Variants in VEGFB observed in about 807,000 individuals in gnomAD.
VEGFB encodes the protein vascular endothelial growth factor B.
In VEGFB, 24 loss-of-function variants were observed where a neutral mutation model predicts 22.5. The ratio of observed to expected loss-of-function variants is 1.07; its 90% CI spans 0.77 to 1.50. The LOEUF is 1.50. VEGFB is among the 40% of genes most tolerant of loss of function. The pLI, the probability that VEGFB is intolerant of heterozygous loss-of-function variation, is 0.00. For missense variants in VEGFB, 327 were observed against 287.8 expected, an observed-to-expected ratio of 1.14 and a Z score of -0.99; for synonymous variants, 141 against 117.4, an observed-to-expected ratio of 1.20 and a Z score of -1.30.
chr11:64,236,639 C>T (rs2030049477), intron 4 of VEGFB, among the ~76,000 whole-genome samples: 1 of 145,996 alleles, frequency 6.8e-6, no homozygotes, highest in African/African-American at 2.6e-5. Context: ...ATGGCATGAA[C>T]CTGGGAGGCG....
At chr11:64,236,974 T>G (rs1383541219) in intron 4 of VEGFB, among the ~76,000 whole-genome samples, 1 of 147,208 alleles carries the variant, frequency 6.8e-6, no homozygotes, top group African/African-American at 2.5e-5. Flanking sequence ...TCCCAGCTAC[T>G]TGGGAGGCTG....
Position 64,237,356 on chromosome 11 carries a change from C to G in VEGFB, c.411-64C>G, listed in dbSNP as rs543698105. On this transcript the variant is annotated intron_variant, in intron 5 of 6. Coordinates refer to ENST00000309422, the MANE Select transcript of VEGFB (RefSeq NM_003377.5). ...TGCTCCCCAAGCCTGTGTTCTCTGC[C>G]CCGACCCCAGCTCTAGGGAAGACTC... 7.6e-5 allele frequency: 116 copies of G among 1,531,676 alleles called. No individual in the cohort carries two copies. In the East Asian group the frequency reaches 1.6e-3, roughly 21 times the overall value. The allele number at this position is 1,531,676 out of a possible 1,614,324, so 94.9% of individuals were successfully genotyped here.
chr11:64,238,429 AGTGG>A lies in VEGFB; in HGVS notation c.*98_*101del, dbSNP rs1193666973. ...TGACTTGCCTCAGAGGCTATATCCC[AGTGG>A]GGGAACAAAGAGGAGCCTGGTAAAA... is the stretch of plus-strand genomic sequence containing the variant. On this transcript the variant is annotated 3_prime_UTR_variant, in exon 7 of 7. Coordinates refer to ENST00000309422, the MANE Select transcript of VEGFB (RefSeq NM_003377.5). 17 of 1,535,290 alleles carry A rather than the reference AGTGG, an allele frequency of 1.1e-5. No individual in the cohort carries two copies. In the African/African-American group the frequency reaches 2.3e-4, roughly 21 times the overall value.
At chr11:64,236,990 A>C (rs180769057) in intron 4 of VEGFB, 197 bp from the exon 5 acceptor site, 5 of 410,000 alleles carry the variant, frequency 1.2e-5, no homozygotes, top group Non-Finnish European at 1.8e-5. Context: ...GGCTGAGACA[A>C]GAGAATAGCT....
Position 64,238,673 on chromosome 11 carries a change from A to C in VEGFB, c.*340A>C, listed in dbSNP as rs766915081. ...TTCTAACCACTCTGTGCAAGTAAGC[A>C]TCTTACAACTGGCTCTTCCTCCCCT... On this transcript the variant is annotated 3_prime_UTR_variant, in exon 7 of 7. Transcript: ENST00000309422. 8.1e-6 allele frequency: 4 copies of C among 493,968 alleles called. No homozygotes were observed. Among genetic ancestry groups the C allele is most frequent in the Non-Finnish European group, 1.5e-5 (4 of 272,526 alleles). The allele number at this position is 493,968 out of a possible 1,614,324, so 30.6% of individuals were successfully genotyped here. A position where few individuals can be genotyped will look rare whatever the true frequency, so the allele number is the denominator to read the frequency against.
chr11:64,237,941 G>T (rs1225434355), intron 6 of VEGFB: 2 of 494,660 alleles, frequency 4.0e-6, no homozygotes, highest in African/African-American at 1.9e-5. Flanking sequence ...TCTCTTGGAG[G>T]AGGTGACATC....
intron 3 of VEGFB, 116 bp from the exon 4 acceptor site, chr11:64,236,138 G>T: frequency 6.5e-7 from 1 of 1,533,492 alleles, no homozygotes. Context: ...ACAGGGTTGG[G>T]GGGAGGGCTG....
In VEGFB at chr11:64,238,487, A is replaced by G; in HGVS notation, c.*154A>G. On this transcript the variant is annotated 3_prime_UTR_variant, in exon 7 of 7. Transcript: ENST00000309422. ...AGCCAAGCCCCCAAGACCTCAGCCC[A>G]GGCAGAAGCTGCTCTAGGACCTGGG... 7.2e-7 allele frequency: 1 copy of G among 1,389,812 alleles called. No homozygotes were observed. Among genetic ancestry groups the G allele is most frequent in the Non-Finnish European group, 9.8e-7 (1 of 1,016,204 alleles). 86.1% of individuals were successfully genotyped at this position (1,389,812 alleles called of 1,614,324 possible).
At chr11:64,237,120 A>AGAGAGAGAGAGAGAGAGAGAGAGAGT in intron 4 of VEGFB, 67 bp from the exon 5 acceptor site, 1 of 966,530 alleles carries the variant, frequency 1.0e-6, no homozygotes, top group African/African-American at 1.6e-5. Context: ...AGAGAGAGAG[A>AGAGAGAGAGAGAGAGAGAGAGAGAGT]GAGTAGGATG....
chr11:64,236,816 C>A (rs1306080296), intron 4 of VEGFB, among the ~76,000 whole-genome samples: 1 of 148,272 alleles, frequency 6.7e-6, no homozygotes, highest in Non-Finnish European at 1.5e-5. Context: ...TAGTGGCTCA[C>A]ACCTATAATC....
In VEGFB at chr11:64,234,968, C is replaced by G. The variant is rs541589672; in HGVS notation, c.60+75C>G. The G allele has an allele frequency of 1.0e-5, 12 of 1,199,808 alleles. No homozygotes were observed. The East Asian group carries it at 2.9e-4, about 29-fold the overall frequency. The allele number at this position is 1,199,808 out of a possible 1,614,324, so 74.3% of individuals were successfully genotyped here. A position where few individuals can be genotyped will look rare whatever the true frequency, so the allele number is the denominator to read the frequency against. ...AGGTTGGCGGAAGTGAGGAGGCGAC[C>G]CGCGGCCTCGGCCGAGGGGATCTGC... On this transcript the variant is annotated intron_variant, in intron 1 of 6. Coordinates refer to ENST00000309422, the MANE Select transcript of VEGFB (RefSeq NM_003377.5). The surrounding 1 kb of genome is among the most constrained non-coding windows in gnomAD (Gnocchi z 5.3).
At chr11:64,237,127 G>GAGAGAGAC in intron 4 of VEGFB, 60 bp from the exon 5 acceptor site, 2 of 813,128 alleles carry the variant, frequency 2.5e-6, no homozygotes, top group Admixed American at 4.6e-5. Context: ...GAGAGAGTAG[G>GAGAGAGAC]ATGCTGGGAT....
chr11:64,235,819 C>T lies in VEGFB; in HGVS notation c.110C>T (p.Ser37Leu), dbSNP rs1565316749. Residue 37 changes from serine (S) to leucine (L), a missense_variant, in exon 3 of 7, where the codon TCA becomes TTA. Transcript: ENST00000309422. ...DAPGHQRKVV[S>L]WIDVYTRATC... Reference sequence around the variant, plus strand: ...CCTACCGGTCTGCTCCCAGTGGTGTCATGGATAGATGTGTATACTCGCGCT... The same window carrying T: ...CCTACCGGTCTGCTCCCAGTGGTGTTATGGATAGATGTGTATACTCGCGCT... 1 of 1,613,818 alleles carries T rather than the reference C, an allele frequency of 6.2e-7. No individual in the cohort carries two copies. The highest frequency in any genetic ancestry group is 1.7e-5 in the Admixed American group (1 of 60,026).
chr11:64,235,969 T>C lies in VEGFB; in HGVS notation c.260T>C (p.Leu87Pro). 1 of 1,608,198 alleles carries C rather than the reference T, an allele frequency of 6.2e-7. No homozygotes were observed. Among genetic ancestry groups the C allele is most frequent in the East Asian group, 2.2e-5 (1 of 44,642 alleles). Reference sequence around the variant, plus strand: ...GGTGGCTGCTGCCCTGACGATGGCCTGGAGTGTGTGCCCACTGGGCAGCAC... The same window carrying C: ...GGTGGCTGCTGCCCTGACGATGGCCCGGAGTGTGTGCCCACTGGGCAGCAC... The part of the protein sequence containing the change: ...RCGGCCPDDG[L>P]ECVPTGQHQV... The change falls in exon 3 of 7, where the codon CTG becomes CCG. Residue 87 changes from leucine (L) to proline (P), a missense_variant. Coordinates refer to ENST00000309422, the MANE Select transcript of VEGFB (RefSeq NM_003377.5).
rs1565319371 is a variant in VEGFB, at chr11:64,238,809, GT to G, written c.*479del. On this transcript the variant is annotated 3_prime_UTR_variant, in exon 7 of 7. Transcript: ENST00000309422. ...AGGAGCTGTCCCTGCCTGTGTCACT[GT>G]TTGTCACTGTCCAGGCTGGCTGGTT... The G allele has an allele frequency of 4.8e-6, 1 of 208,680 alleles. No individual in the cohort carries two copies. The highest frequency in any genetic ancestry group is 2.3e-5 in the African/African-American group (1 of 43,716). 12.9% of individuals were successfully genotyped at this position (208,680 alleles called of 1,614,324 possible).
chr11:64,236,716 CAAAAAAAA>C (rs773789771), intron 4 of VEGFB, among the ~76,000 whole-genome samples: 14 of 74,474 alleles, frequency 1.9e-4, no homozygotes, highest in African/African-American at 4.7e-4. Flanking sequence ...GACTCTGCCA[CAAAAAAAA>C]AAAAAAAAAA....
chr11:64,235,967 C>A lies in VEGFB; in HGVS notation c.258C>A (p.Gly86=). Residue 86 remains glycine, a synonymous_variant, in exon 3 of 7, where the codon GGC becomes GGA. Transcript: ENST00000309422. ...QRCGGCCPDD[G]LECVPTGQHQ... ...GTGGTGGCTGCTGCCCTGACGATGGCCTGGAGTGTGTGCCCACTGGGCAGC... is the reference window on the plus strand; with the variant it reads ...GTGGTGGCTGCTGCCCTGACGATGGACTGGAGTGTGTGCCCACTGGGCAGC... The A allele has an allele frequency of 6.2e-7, 1 of 1,608,980 alleles. No individual in the cohort carries two copies. Among genetic ancestry groups the A allele is most frequent in the Non-Finnish European group, 8.5e-7 (1 of 1,178,320 alleles).
rs773789771 is a variant in VEGFB at position 64,236,716 on chromosome 11, C to CAAAAA, written c.374+413_374+417dup. Reference sequence around the variant, plus strand: ...TGGGCGACAGAGCAAGACTCTGCCACAAAAAAAAAAAAAAAAAAAAAAAAA... The same window carrying CAAAAA: ...TGGGCGACAGAGCAAGACTCTGCCACAAAAAAAAAAAAAAAAAAAAAAAAAAAAAA... On this transcript the variant is annotated intron_variant, in intron 4 of 6. Transcript: ENST00000309422. 5.1e-4 allele frequency among the ~76,000 whole-genome samples: 38 copies of CAAAAA among 74,476 alleles called. 2 individuals carry two copies. The highest frequency in any genetic ancestry group is 9.8e-4 in the African/African-American group (19 of 19,314). The allele number at this position is 74,476 out of a possible 152,430, so 48.9% of individuals were successfully genotyped here.
chr11:64,236,299 C>T lies in VEGFB; in HGVS notation c.346C>T (p.Leu116=), dbSNP rs753621240. 1.2e-6 allele frequency: 2 copies of T among 1,613,920 alleles called. No homozygotes were observed. Among genetic ancestry groups the T allele is most frequent in the Non-Finnish European group, 1.7e-6 (2 of 1,179,996 alleles). Reference sequence around the variant, plus strand: ...GAGCAGTCAGCTGGGGGAGATGTCCCTGGAAGAACACAGCCAGTGTGAATG... The same window carrying T: ...GAGCAGTCAGCTGGGGGAGATGTCCTTGGAAGAACACAGCCAGTGTGAATG... ...YPSSQLGEMS[L]EEHSQCECRP... The change falls in exon 4 of 7, where the codon CTG becomes TTG. Residue 116 remains leucine, a synonymous_variant. Transcript: ENST00000309422.
Sources: allele counts gnomAD v4.1 joint callset (sites outside exome capture counted in the v4.1 genomes callset), GRCh38; gene constraint gnomAD v4.1.1; non-coding constraint Gnocchi (gnomAD v3.1); transcripts MANE v1.5; gene names NCBI Gene and HGNC (gene_info 2026-07-23, HGNC 2026-07-21).